DLGAP2: variants seen among roughly 807,000 people sequenced by gnomAD.
DLGAP2 encodes the protein DLG associated protein 2.
A neutral mutation model predicts 100.3 loss-of-function variants in DLGAP2; 26 were observed. That is an observed-to-expected ratio of 0.26 (90% CI 0.19 to 0.36). DLGAP2 has a LOEUF of 0.36. Ranked by LOEUF, DLGAP2 falls within the 10% of genes least tolerant of loss-of-function variation. The pLI, the probability that DLGAP2 is intolerant of heterozygous loss-of-function variation, is 1.00. For missense variants in DLGAP2, 1,858 were observed against 1,453.2 expected (o/e 1.28, Z -4.53); for synonymous variants, 886 against 630.1 (o/e 1.41, Z -6.08).
intron 3 of DLGAP2, among the ~76,000 whole-genome samples, chr8:1,342,645 C>T (rs149040649): frequency 9.4e-4 from 143 of 152,304 alleles, no homozygotes; most frequent in Middle Eastern, 3.4e-3. Flanking sequence ...TTATCACATG[C>T]GAATGCTGAA....
intron 1 of DLGAP2, among the ~76,000 whole-genome samples, chr8:822,835 C>T (rs1040145965): frequency 4.3e-4 from 65 of 152,310 alleles, no homozygotes; most frequent in African/African-American, 1.5e-3. Context: ...CTGGGTGCTT[C>T]AGGGACTGTC....
chr8:1,172,975 A>G (rs1216074768), intron 2 of DLGAP2, among the ~76,000 whole-genome samples: 1 of 151,162 alleles, frequency 6.6e-6, no homozygotes, highest in Non-Finnish European at 1.5e-5. Context: ...TAGAGTTTCC[A>G]TTTTTTCTGC....
chr8:1,057,339 C>G (rs892732675), intron 2 of DLGAP2, among the ~76,000 whole-genome samples: 1 of 152,310 alleles, frequency 6.6e-6, no homozygotes, highest in Middle Eastern at 3.4e-3. Flanking sequence ...GGAGTTTTAA[C>G]ACAGGAAAAT....
chr8:1,163,861 G>A (rs1282037703), intron 2 of DLGAP2, among the ~76,000 whole-genome samples: 1 of 152,182 alleles, frequency 6.6e-6, no homozygotes, highest in African/African-American at 2.4e-5. Flanking sequence ...CAGCACTGCG[G>A]CTGCCGACAC....
chr8:1,430,011 T>TATATGTATATATATATATATATATAC (rs1554467363), intron 3 of DLGAP2, among the ~76,000 whole-genome samples: 1 of 63,960 alleles, frequency 1.6e-5, no homozygotes, highest in African/African-American at 5.5e-5. Context: ...TATATACATA[T>TATATGTATATATATATATATATATAC]ATATATATAT....
chr8:1,613,995 G>T (rs985583699), intron 6 of DLGAP2, among the ~76,000 whole-genome samples: 1 of 152,200 alleles, frequency 6.6e-6, no homozygotes, highest in Non-Finnish European at 1.5e-5. Context: ...TGCAATGCGT[G>T]ACCTGACAGG....
chr8:1,162,064 G>A (rs546136230), intron 2 of DLGAP2, among the ~76,000 whole-genome samples: 1 of 152,348 alleles, frequency 6.6e-6, no homozygotes, highest in African/African-American at 2.4e-5. Context: ...TGCGTTTGCA[G>A]CAGAAGTTCC....
At chr8:836,650 C>T (rs1021320133) in intron 1 of DLGAP2, among the ~76,000 whole-genome samples, 2 of 152,196 alleles carry the variant, frequency 1.3e-5, no homozygotes, top group Non-Finnish European at 2.9e-5. Flanking sequence ...CTCCTACTTC[C>T]GTTTCCCCGG....
chr8:792,311 G>T (rs1321755762), intron 1 of DLGAP2, among the ~76,000 whole-genome samples: 2 of 152,070 alleles, frequency 1.3e-5, no homozygotes, highest in Non-Finnish European at 2.9e-5. Context: ...GACAACCCAG[G>T]ATTTTCTAAG....
At chr8:1,308,912 C>G (rs1800551583) in intron 3 of DLGAP2, among the ~76,000 whole-genome samples, 1 of 151,912 alleles carries the variant, frequency 6.6e-6, no homozygotes, top group Non-Finnish European at 1.5e-5. Flanking sequence ...TAAAGAGATC[C>G]AAATTATTTT....
chr8:1,194,337 C>T (rs1158791855), intron 2 of DLGAP2, among the ~76,000 whole-genome samples: 1 of 152,008 alleles, frequency 6.6e-6, no homozygotes, highest in East Asian at 2.0e-4. Flanking sequence ...TGGAGGGAGC[C>T]CGGATGCCTG....
intron 3 of DLGAP2, among the ~76,000 whole-genome samples, chr8:1,475,757 A>G (rs1798914712): frequency 6.6e-6 from 1 of 152,174 alleles, no homozygotes; most frequent in African/African-American, 2.4e-5. Context: ...GGCTTGTCAG[A>G]CAGAATTACT....
intron 2 of DLGAP2, among the ~76,000 whole-genome samples, chr8:1,076,483 T>A (rs190599848): frequency 6.6e-6 from 1 of 152,332 alleles, no homozygotes; most frequent in East Asian, 1.9e-4. Flanking sequence ...AGGAGGCAGA[T>A]CTGCCGCTCA....
intron 6 of DLGAP2, among the ~76,000 whole-genome samples, chr8:1,584,185 AT>A (rs1198319730): frequency 6.6e-6 from 1 of 152,160 alleles, no homozygotes; most frequent in Non-Finnish European, 1.5e-5. Flanking sequence ...CCATCGTCTT[AT>A]GACTCATTTG....
At chr8:1,272,083 T>G (rs1316117694) in intron 3 of DLGAP2, among the ~76,000 whole-genome samples, 1 of 152,210 alleles carries the variant, frequency 6.6e-6, no homozygotes, top group African/African-American at 2.4e-5. Flanking sequence ...CCCAAAATGC[T>G]GGAATTACAG....
chr8:1,381,599 G>A (rs912694525), intron 3 of DLGAP2, among the ~76,000 whole-genome samples: 3 of 152,084 alleles, frequency 2.0e-5, no homozygotes, highest in African/African-American at 7.2e-5. Context: ...CTGGGCCCTG[G>A]CGCCCACTCT....
intron 2 of DLGAP2, among the ~76,000 whole-genome samples, chr8:1,243,196 G>C (rs181862376): frequency 3.3e-5 from 5 of 152,212 alleles, no homozygotes; most frequent in African/African-American, 1.2e-4. Context: ...CACACCAGGG[G>C]AGTGAGGACC....
At position 1,018,147 on chromosome 8, in the gene DLGAP2, C is replaced by G. The variant is rs187013965; in HGVS notation, c.73+110181C>G. 1.4e-3 allele frequency among the ~76,000 whole-genome samples: 218 copies of G among 151,486 alleles called. 1 individual carries two copies. Among genetic ancestry groups the G allele is most frequent in the African/African-American group, 5.2e-3 (213 of 41,254 alleles). ...AGGCCCTCCATCCTCATGCTTGGCC[C>G]TGCTCAGTCAGATGCATTATCCTAG... On this transcript the variant is annotated intron_variant, in intron 2 of 14. Transcript: ENST00000637795.
chr8:1,576,081 C>A (rs1802962664), intron 6 of DLGAP2, among the ~76,000 whole-genome samples: 1 of 152,150 alleles, frequency 6.6e-6, no homozygotes, highest in South Asian at 2.1e-4. Context: ...TACAGTCCCA[C>A]CAACAGTGTA....
Sources: allele counts gnomAD v4.1 joint callset (sites outside exome capture counted in the v4.1 genomes callset), GRCh38; gene constraint gnomAD v4.1.1; transcripts MANE v1.5; gene names NCBI Gene and HGNC (gene_info 2026-07-23, HGNC 2026-07-21).